The following SLC4A4 variants were observed in gnomAD, a reference collection of about 807,000 sequenced individuals.
SLC4A4 encodes the protein electrogenic sodium bicarbonate cotransporter 1.
Under a neutral mutation model 111.5 loss-of-function variants are expected in SLC4A4, and 27 were observed. The ratio of observed to expected loss-of-function variants is 0.24; its 90% CI spans 0.18 to 0.33. The LOEUF (loss-of-function observed/expected upper bound fraction) is 0.33, where lower values mean the gene tolerates loss of function less well. Among genes scored for constraint, SLC4A4 ranks in the 10% least tolerant of loss-of-function variants. The probability of loss-of-function intolerance (pLI) is 1.00; values close to 1 mark genes in which losing one functional copy is unlikely to be tolerated. For synonymous variants in SLC4A4, 443 were observed against 463.4 expected, an observed-to-expected ratio of 0.96 and a Z score of 0.57; for missense variants, 909 against 1,315.5, an observed-to-expected ratio of 0.69 and a Z score of 4.78.
At chr4:71,423,649 A>G (rs1426027229) in intron 7 of SLC4A4, among the ~76,000 whole-genome samples, 5 of 152,190 alleles carry the variant, frequency 3.3e-5, no homozygotes, top group Admixed American at 3.3e-4. Flanking sequence ...AGAGATCTAG[A>G]TCAATGGAAC....
intron 2 of SLC4A4, among the ~76,000 whole-genome samples, chr4:71,140,415 T>TCAACAAAA (rs1338248062): frequency 6.6e-6 from 1 of 152,046 alleles, no homozygotes; most frequent in Non-Finnish European, 1.5e-5. Flanking sequence ...AATGAGACCC[T>TCAACAAAA]GTTGCAAAAA....
chr4:71,102,833 C>T (rs1337627774), intron 2 of SLC4A4, among the ~76,000 whole-genome samples: 4 of 151,860 alleles, frequency 2.6e-5, no homozygotes, highest in Non-Finnish European at 4.4e-5. Flanking sequence ...AATGTAAAGA[C>T]CATCGAGACT....
At position 71,133,273 on chromosome 4, in the gene SLC4A4, AAGC is replaced by A. The variant is rs1743757285; in HGVS notation, c.-2+40482_-2+40484del. 2.6e-5 allele frequency among the ~76,000 whole-genome samples: 4 copies of A among 152,280 alleles called. No homozygotes were observed. In the South Asian group the frequency reaches 8.3e-4, roughly 32 times the overall value. ...ATTTCCTGAATAGCTCTGTGAGGCTAAGCTTTACCGTATGTTTTAGTTATCTGT... is the reference window on the plus strand; with the variant it reads ...ATTTCCTGAATAGCTCTGTGAGGCTATTTACCGTATGTTTTAGTTATCTGT... On this transcript the variant is annotated intron_variant, in intron 2 of 26. Coordinates refer to the SLC4A4 transcript ENST00000649996.
chr4:71,072,540 A>C (rs1165718253), intron 1 of SLC4A4, among the ~76,000 whole-genome samples: 1 of 150,946 alleles, frequency 6.6e-6, no homozygotes, highest in African/African-American at 2.5e-5. Context: ...TTTATTTTTT[A>C]GAGCTTCCCA....
At chr4:71,309,119 ACACAG>A (rs1482272170) in intron 3 of SLC4A4, among the ~76,000 whole-genome samples, 1 of 152,134 alleles carries the variant, frequency 6.6e-6, no homozygotes, top group East Asian at 1.9e-4. Context: ...ACGTAACTCA[ACACAG>A]CACAGCAAAG....
rs201871554 is a variant in SLC4A4, at chr4:71,440,667, G to A, written c.859G>A (p.Val287Met). The A allele has an allele frequency of 1.1e-5, 18 of 1,613,940 alleles. No homozygotes were observed. Among genetic ancestry groups the A allele is most frequent in the East Asian group, 4.5e-5 (2 of 44,882 alleles). ...GCCACGTGATGCAGAAGCTTCCAACGTGCTTGTTGGGGAGGTTGACTTTTT... is the reference window on the plus strand; with the variant it reads ...GCCACGTGATGCAGAAGCTTCCAACATGCTTGTTGGGGAGGTTGACTTTTT... Reference protein sequence around the residue: ...KLPRDAEASNVLVGEVDFLDT... With the variant: ...KLPRDAEASNMLVGEVDFLDT... The change falls in exon 8 of 26, where the codon GTG becomes ATG. Residue 287 changes from valine (V) to methionine (M), a missense_variant. Around this residue, in one of 7 missense-constraint regions of SLC4A4, gnomAD observed 312 missense variants for 402.0 expected, o/e 0.78. Coordinates refer to ENST00000264485, the MANE Select transcript of SLC4A4 (RefSeq NM_001098484.3).
intron 7 of SLC4A4, among the ~76,000 whole-genome samples, chr4:71,410,938 G>T (rs377597168): frequency 6.6e-6 from 1 of 152,110 alleles, no homozygotes; most frequent in Non-Finnish European, 1.5e-5. Flanking sequence ...ACAAACTATT[G>T]TGATTTTTTA....
At chr4:71,346,108 A>G (rs181680487) in intron 4 of SLC4A4, among the ~76,000 whole-genome samples, 15 of 152,158 alleles carry the variant, frequency 9.9e-5, no homozygotes, top group African/African-American at 3.4e-4. Flanking sequence ...ATATTTAATC[A>G]TATGATTGGA....
At chr4:71,407,177 GTT>G (rs772854257) in intron 7 of SLC4A4, among the ~76,000 whole-genome samples, 7 of 152,040 alleles carry the variant, frequency 4.6e-5, no homozygotes, top group Non-Finnish European at 1.0e-4. Context: ...CTGGCTTTTG[GTT>G]TGTCTTTGAG....
chr4:71,567,045 T>C lies in SLC4A4; in HGVS notation c.3238T>C (p.Ter1080ArgextTer1). The C allele has an allele frequency of 6.2e-7, 1 of 1,610,310 alleles. No homozygotes were observed. The highest frequency in any genetic ancestry group is 8.5e-7 in the Non-Finnish European group (1 of 1,177,624). The change falls in exon 25 of 26, where the codon TGA (stop) becomes CGA (arginine). Residue 1080 changes from the stop codon to arginine, a stop_lost. Transcript: ENST00000264485. Reference sequence around the variant, plus strand: ...ATTCCTTGAACGCCACACATCATGCTGATAAAATTCCTTTCCTTCAGTCAC... The same window carrying C: ...ATTCCTTGAACGCCACACATCATGCCGATAAAATTCCTTTCCTTCAGTCAC... ...PTFLERHTSC* is the reference protein window; with the variant it reads ...PTFLERHTSCR
At chr4:71,131,231 C>T (rs1334750381) in intron 2 of SLC4A4, among the ~76,000 whole-genome samples, 6 of 152,126 alleles carry the variant, frequency 3.9e-5, no homozygotes, top group African/African-American at 1.4e-4. Flanking sequence ...CAACTGTTTC[C>T]TTTTTAAGCA....
At chr4:71,343,752 A>G (rs1024719584) in intron 4 of SLC4A4, among the ~76,000 whole-genome samples, 2 of 152,106 alleles carry the variant, frequency 1.3e-5, no homozygotes, top group African/African-American at 4.8e-5. Context: ...ATCTCTTTTC[A>G]TCTGCTCTTA....
chr4:71,348,829 T>G (rs536593178), intron 4 of SLC4A4, among the ~76,000 whole-genome samples: 1 of 152,314 alleles, frequency 6.6e-6, no homozygotes, highest in South Asian at 2.1e-4. Flanking sequence ...ATCTCTGCCC[T>G]TTGTTCTCAT....
chr4:71,436,970 AT>A, intron 7 of SLC4A4: 2 of 340,398 alleles, frequency 5.9e-6, no homozygotes, highest in South Asian at 2.4e-5. Context: ...GTTGTTTTCT[AT>A]TAAAAAAAAA....
At chr4:71,379,073 CTT>C (rs1717832408) in intron 6 of SLC4A4, among the ~76,000 whole-genome samples, 1 of 152,186 alleles carries the variant, frequency 6.6e-6, no homozygotes, top group Non-Finnish European at 1.5e-5. Context: ...TGAATATCCT[CTT>C]GTTTTCCACG....
chr4:71,540,210 C>T (rs1244442249), intron 18 of SLC4A4, among the ~76,000 whole-genome samples: 3 of 152,018 alleles, frequency 2.0e-5, no homozygotes, highest in Admixed American at 2.0e-4. Context: ...CTTTGTGGGC[C>T]CCTAGCATGA....
intron 12 of SLC4A4, among the ~76,000 whole-genome samples, chr4:71,464,840 G>C (rs34216199): frequency 0.15 from 22,089 of 152,102 alleles, 1,941 homozygotes; most frequent in South Asian, 0.31. Flanking sequence ...GAAATATTTT[G>C]AGTAATTATT....
intron 16 of SLC4A4, among the ~76,000 whole-genome samples, chr4:71,518,741 G>T (rs1044984987): frequency 8.6e-5 from 13 of 151,944 alleles, no homozygotes; most frequent in Non-Finnish European, 1.6e-4. Context: ...ACTGGGTTTG[G>T]CCTGGCAGTG....
At position 71,338,417 on chromosome 4, in the gene SLC4A4, A is replaced by G. The variant is rs1012441556; in HGVS notation, c.254-953A>G. ...ACTTGAACTGCATTCACATGTATAT[A>G]ACATTGTTGGTTTTACCCAGGGATT... On this transcript the variant is annotated intron_variant, in intron 3 of 25. Transcript: ENST00000264485. 3.0e-4 allele frequency among the ~76,000 whole-genome samples: 45 copies of G among 152,196 alleles called. 1 individual carries two copies. The highest frequency in any genetic ancestry group is 1.0e-4 in the Non-Finnish European group (7 of 68,032).
Sources: gnomAD v4.1 joint callset for allele counts (sites outside exome capture counted in the v4.1 genomes callset) on GRCh38, gnomAD v4.1.1 for gene constraint, gnomAD v4.1.1 regional missense constraint, MANE v1.5 for transcripts, NCBI Gene and HGNC (gene_info 2026-07-23, HGNC 2026-07-21) for gene names.